The following PARD3B variants were observed in gnomAD, a reference collection of about 807,000 sequenced individuals.
The protein encoded by PARD3B is partitioning defective 3 homolog B.
PARD3B carries 103 observed loss-of-function variants against 130.2 expected under a neutral mutation model. The observed-to-expected ratio is 0.79, with a 90% CI of 0.67 to 0.93. The LOEUF (loss-of-function observed/expected upper bound fraction) is 0.93, where lower values mean the gene tolerates loss of function less well. Among genes scored for constraint, PARD3B ranks in the 40% least tolerant of loss-of-function variants. The probability of loss-of-function intolerance (pLI) is 0.00; values close to 1 mark genes in which losing one functional copy is unlikely to be tolerated. For missense variants in PARD3B, 1,609 were observed against 1,499.2 expected (o/e 1.07, Z -1.21); for synonymous variants, 583 against 553.2 (o/e 1.05, Z -0.76).
intron 22 of PARD3B, among the ~76,000 whole-genome samples, chr2:205,561,259 T>G (rs2053124364): frequency 6.6e-6 from 1 of 152,212 alleles, no homozygotes; most frequent in African/African-American, 2.4e-5. Flanking sequence ...TGCACTATTT[T>G]ATTGTGCTCA....
chr2:204,845,227 T>C (rs538365334), intron 2 of PARD3B, among the ~76,000 whole-genome samples: 3 of 152,278 alleles, frequency 2.0e-5, no homozygotes, highest in South Asian at 2.1e-4. Context: ...CTCATTATGA[T>C]ACATGATATT....
rs887273267 is a variant in PARD3B, at chr2:205,591,541, A to T, written c.3261-23915A>T. 1.3e-5 allele frequency among the ~76,000 whole-genome samples: 2 copies of T among 152,244 alleles called. No homozygotes were observed. The highest frequency in any genetic ancestry group is 2.9e-5 in the Non-Finnish European group (2 of 68,050). On this transcript the variant is annotated intron_variant, in intron 22 of 22. Coordinates refer to ENST00000406610, the MANE Select transcript of PARD3B (RefSeq NM_001302769.2). This position sits in a 1 kb window ranked among gnomAD's most constrained non-coding sequence, Gnocchi z 4.2. ...TACTCAGTGGAAGCAAATAACCATT[A>T]CTATCCCAATTTGACAGAGGAAGAA...
intron 1 of PARD3B, among the ~76,000 whole-genome samples, chr2:204,648,724 T>A (rs1369937820): frequency 1.4e-5 from 1 of 70,486 alleles, no homozygotes. Flanking sequence ...TATATATTTA[T>A]AATAGATATC....
At chr2:205,214,501 A>T (rs1242048694) in intron 15 of PARD3B, among the ~76,000 whole-genome samples, 1 of 152,114 alleles carries the variant, frequency 6.6e-6, no homozygotes, top group Non-Finnish European at 1.5e-5. Flanking sequence ...AAAAAAAAAA[A>T]AAATCCTGAC....
chr2:205,083,591 G>C (rs1455756629), intron 4 of PARD3B, among the ~76,000 whole-genome samples: 1 of 149,160 alleles, frequency 6.7e-6, no homozygotes, highest in Admixed American at 6.7e-5. Flanking sequence ...TGACTTTTCT[G>C]TTTGATTCTT....
chr2:204,969,943 G>A (rs1691556263), intron 3 of PARD3B, among the ~76,000 whole-genome samples: 1 of 151,994 alleles, frequency 6.6e-6, no homozygotes, highest in African/African-American at 2.4e-5. Flanking sequence ...GTTTGTATGT[G>A]TAGGAAAGTT....
chr2:204,923,028 ATGTC>A (rs2047743250), intron 2 of PARD3B, among the ~76,000 whole-genome samples: 1 of 152,110 alleles, frequency 6.6e-6, no homozygotes, highest in African/African-American at 2.4e-5. Context: ...GAAGTGGCCT[ATGTC>A]TGTCTGCCTC....
intron 1 of PARD3B, among the ~76,000 whole-genome samples, chr2:204,549,464 C>G (rs2030281548): frequency 6.6e-6 from 1 of 152,184 alleles, no homozygotes; most frequent in South Asian, 2.1e-4. Context: ...TGCAGGGACT[C>G]TCAACCCTGG....
chr2:204,605,299 T>C (rs1314180136), intron 1 of PARD3B, among the ~76,000 whole-genome samples: 1 of 152,156 alleles, frequency 6.6e-6, no homozygotes, highest in Admixed American at 6.6e-5. Flanking sequence ...CACACACTAA[T>C]AGGCAGAAGG....
intron 1 of PARD3B, among the ~76,000 whole-genome samples, chr2:204,651,462 G>T (rs533658309): frequency 2.0e-5 from 3 of 152,352 alleles, no homozygotes; most frequent in Non-Finnish European, 4.4e-5. Context: ...AGGGCACACT[G>T]GTGCAAGAGG....
intron 18 of PARD3B, among the ~76,000 whole-genome samples, chr2:205,382,600 T>C (rs558955574): frequency 6.6e-6 from 1 of 152,224 alleles, no homozygotes; most frequent in Non-Finnish European, 1.5e-5. Context: ...TTCTTGTCAG[T>C]AGCAATAGTT....
intron 4 of PARD3B, among the ~76,000 whole-genome samples, chr2:205,084,394 G>A (rs139254555): frequency 6.6e-6 from 1 of 151,960 alleles, no homozygotes; most frequent in African/African-American, 2.4e-5. Context: ...TATTTCATAG[G>A]TGGTGCTTTC....
chr2:204,775,789 A>G (rs2041593552), intron 2 of PARD3B, among the ~76,000 whole-genome samples: 1 of 152,158 alleles, frequency 6.6e-6, no homozygotes, highest in Non-Finnish European at 1.5e-5. Flanking sequence ...CTCAATGTGT[A>G]GACTCTGTTA....
intron 8 of PARD3B, among the ~76,000 whole-genome samples, chr2:205,123,748 A>T (rs1436133820): frequency 6.6e-6 from 1 of 152,012 alleles, no homozygotes; most frequent in African/African-American, 2.4e-5. Flanking sequence ...AAGCTTGAAG[A>T]AGCAGTAAGA....
chr2:204,896,077 C>T (rs2161854), intron 2 of PARD3B, among the ~76,000 whole-genome samples: 66,777 of 152,000 alleles, frequency 0.44, 17,242 homozygotes, highest in African/African-American at 0.73. Flanking sequence ...ACTCAGACTT[C>T]CCTTAAACCA....
At chr2:205,099,257 A>T (rs1283149562) in intron 4 of PARD3B, among the ~76,000 whole-genome samples, 1 of 152,240 alleles carries the variant, frequency 6.6e-6, no homozygotes, top group Non-Finnish European at 1.5e-5. Flanking sequence ...TAGAGCGTCC[A>T]AAACCATTAT....
chr2:205,448,896 G>A (rs181443999), intron 20 of PARD3B, among the ~76,000 whole-genome samples: 54 of 152,224 alleles, frequency 3.5e-4, no homozygotes, highest in African/African-American at 1.2e-3. Context: ...GTTGGGTGCC[G>A]TGGCTCAAGC....
intron 18 of PARD3B, among the ~76,000 whole-genome samples, chr2:205,361,321 T>G (rs1357176113): frequency 6.6e-6 from 1 of 152,176 alleles, no homozygotes; most frequent in Admixed American, 6.5e-5. Context: ...CTAATGTCAT[T>G]ATGCCATACC....
chr2:205,005,168 TAC>T (rs374225093), intron 3 of PARD3B, among the ~76,000 whole-genome samples: 14 of 151,776 alleles, frequency 9.2e-5, no homozygotes, highest in African/African-American at 1.2e-4. Flanking sequence ...CTCTCTAGTA[TAC>T]ACACACACAC....
Sources: gnomAD v4.1 joint callset for allele counts (sites outside exome capture counted in the v4.1 genomes callset) on GRCh38, gnomAD v4.1.1 for gene constraint, Gnocchi (gnomAD v3.1) non-coding constraint, MANE v1.5 for transcripts, NCBI Gene and HGNC (gene_info 2026-07-23, HGNC 2026-07-21) for gene names.